The following METTL25 variants were observed in gnomAD, a reference collection of about 807,000 sequenced individuals.
The protein encoded by METTL25 is probable methyltransferase-like protein 25.
A neutral mutation model predicts 71.6 loss-of-function variants in METTL25; 64 were observed. The observed-to-expected ratio is 0.89, with a 90% CI of 0.73 to 1.10. The LOEUF (loss-of-function observed/expected upper bound fraction) is 1.10, where lower values mean the gene tolerates loss of function less well. METTL25 is among the 50% of genes least tolerant of loss of function. The pLI, the probability that METTL25 is intolerant of heterozygous loss-of-function variation, is 0.00. For missense variants in METTL25, 807 were observed against 707.0 expected (o/e 1.14, Z -1.60); for synonymous variants, 287 against 250.3 (o/e 1.15, Z -1.38).
intron 1 of METTL25, among the ~76,000 whole-genome samples, chr12:82,372,074 C>G (rs1883296238): frequency 6.6e-6 from 1 of 152,190 alleles, no homozygotes; most frequent in African/African-American, 2.4e-5. Context: ...GCAGCTAAAG[C>G]TGCATTCTTT....
chr12:82,420,722 C>G (rs1048341323), intron 5 of METTL25, among the ~76,000 whole-genome samples: 5 of 152,004 alleles, frequency 3.3e-5, no homozygotes, highest in African/African-American at 1.2e-4. Context: ...GCTGGCAAAC[C>G]AGGCACAAGC....
At chr12:82,371,135 G>T (rs2136857015) in intron 1 of METTL25, among the ~76,000 whole-genome samples, 1 of 152,370 alleles carries the variant, frequency 6.6e-6, no homozygotes, top group Non-Finnish European at 1.5e-5. Flanking sequence ...TTCCTCAGGT[G>T]GTAACAGACC....
chr12:82,412,891 T>C (rs1300387159), intron 5 of METTL25, among the ~76,000 whole-genome samples: 1 of 151,998 alleles, frequency 6.6e-6, no homozygotes, highest in Non-Finnish European at 1.5e-5. Flanking sequence ...TTTACTTTAC[T>C]TACTGTTGTG....
intron 5 of METTL25, among the ~76,000 whole-genome samples, chr12:82,412,139 T>C (rs1887600916): frequency 6.6e-6 from 1 of 152,098 alleles, no homozygotes; most frequent in Non-Finnish European, 1.5e-5. Flanking sequence ...CTACCTGGTA[T>C]ATAGAGAAAT....
At chr12:82,443,183 G>A (rs1890480104) in intron 8 of METTL25, among the ~76,000 whole-genome samples, 1 of 151,962 alleles carries the variant, frequency 6.6e-6, no homozygotes, top group Non-Finnish European at 1.5e-5. Context: ...CTTAAGATTT[G>A]GGAAGTACAC....
At chr12:82,395,379 G>C (rs1197906577) in intron 3 of METTL25, among the ~76,000 whole-genome samples, 2 of 152,018 alleles carry the variant, frequency 1.3e-5, no homozygotes, top group African/African-American at 4.8e-5. Context: ...AAAGGGAAAG[G>C]TGAGAACAGG....
At chr12:82,418,043 A>G (rs1267214464) in intron 5 of METTL25, among the ~76,000 whole-genome samples, 1 of 152,124 alleles carries the variant, frequency 6.6e-6, no homozygotes, top group Non-Finnish European at 1.5e-5. Flanking sequence ...TTAGGGAACT[A>G]TTGCTGGAAT....
chr12:82,437,526 A>G (rs1320819366), intron 7 of METTL25, among the ~76,000 whole-genome samples: 1 of 151,644 alleles, frequency 6.6e-6, no homozygotes, highest in Non-Finnish European at 1.5e-5. Flanking sequence ...GCAGCACAGT[A>G]TGGGAAGTTA....
chr12:82,387,628 C>T (rs1885163663), intron 2 of METTL25, among the ~76,000 whole-genome samples: 1 of 151,752 alleles, frequency 6.6e-6, no homozygotes, highest in Non-Finnish European at 1.5e-5. Context: ...AAGAATAGTA[C>T]AATAGACCCT....
rs149013522 is a variant in METTL25, at chr12:82,458,437, A to G, written c.1572+1617A>G. ...AGACAGGCAAATACAGAGATTTACAACTTACAGGAGCAGAAACCGCCACAG... is the reference window on the plus strand; with the variant it reads ...AGACAGGCAAATACAGAGATTTACAGCTTACAGGAGCAGAAACCGCCACAG... On this transcript the variant is annotated intron_variant, in intron 9 of 11. Coordinates refer to ENST00000248306, the MANE Select transcript of METTL25 (RefSeq NM_032230.3). 4.0e-4 allele frequency among the ~76,000 whole-genome samples: 61 copies of G among 152,282 alleles called. No homozygotes were observed. In the East Asian group the frequency reaches 0.01, roughly 26 times the overall value.
intron 3 of METTL25, among the ~76,000 whole-genome samples, chr12:82,397,669 T>C (rs1208517068): frequency 1.3e-5 from 2 of 152,034 alleles, no homozygotes; most frequent in African/African-American, 4.8e-5. Context: ...AACATCCAGT[T>C]ATACCAGCAC....
chr12:82,381,785 G>A (rs917757795), intron 1 of METTL25, among the ~76,000 whole-genome samples: 6 of 152,320 alleles, frequency 3.9e-5, no homozygotes, highest in African/African-American at 1.4e-4. Flanking sequence ...GTTTAAGTTT[G>A]CATTGAATAA....
At chr12:82,434,017 G>A (rs1889729227) in intron 6 of METTL25, among the ~76,000 whole-genome samples, 1 of 150,750 alleles carries the variant, frequency 6.6e-6, no homozygotes, top group Non-Finnish European at 1.5e-5. Context: ...TGAAGTGTGA[G>A]TATTTATTAT....
intron 5 of METTL25, among the ~76,000 whole-genome samples, chr12:82,429,617 T>C (rs1335681224): frequency 1.3e-5 from 2 of 151,650 alleles, no homozygotes; most frequent in Admixed American, 1.3e-4. Context: ...TTTTGTTTTT[T>C]TGAGAAACCT....
intron 11 of METTL25, 126 bp from the exon 12 acceptor site, chr12:82,478,806 A>G (rs1284310389): frequency 1.4e-6 from 1 of 715,622 alleles, no homozygotes; most frequent in Non-Finnish European, 2.2e-6. Context: ...TTAACAAAGC[A>G]TAAGAATTTT....
intron 1 of METTL25, among the ~76,000 whole-genome samples, chr12:82,361,615 G>A (rs181552450): frequency 3.9e-5 from 6 of 152,298 alleles, no homozygotes; most frequent in East Asian, 3.9e-4. Flanking sequence ...CTGGTGGGCC[G>A]GCACTGCTGG....
intron 5 of METTL25, among the ~76,000 whole-genome samples, chr12:82,410,326 A>G (rs1179988921): frequency 6.6e-6 from 1 of 152,144 alleles, no homozygotes; most frequent in Non-Finnish European, 1.5e-5. Context: ...TAATCCTATC[A>G]TTGAAACAAT....
At chr12:82,376,470 A>G (rs758097641) in intron 1 of METTL25, among the ~76,000 whole-genome samples, 1 of 152,208 alleles carries the variant, frequency 6.6e-6, no homozygotes, top group African/African-American at 2.4e-5. Context: ...TTTATTGGGA[A>G]CTGAAGTAAT....
At chr12:82,447,335 G>A (rs1216063407) in intron 8 of METTL25, among the ~76,000 whole-genome samples, 2 of 151,918 alleles carry the variant, frequency 1.3e-5, no homozygotes, top group African/African-American at 4.8e-5. Context: ...AAAAATCCAG[G>A]AACAAAAAAC....
Sources: allele counts gnomAD v4.1 joint callset (sites outside exome capture counted in the v4.1 genomes callset), GRCh38; gene constraint gnomAD v4.1.1; transcripts MANE v1.5; gene names NCBI Gene and HGNC (gene_info 2026-07-23, HGNC 2026-07-21).